Variants in E2F5 observed in about 807,000 individuals in gnomAD.
The protein encoded by E2F5 is transcription factor E2F5.
E2F5 carries 23 observed loss-of-function variants against 39.1 expected under a neutral mutation model. That is an observed-to-expected ratio of 0.59 (90% confidence interval 0.42 to 0.83). The LOEUF is 0.83. Ranked by LOEUF, E2F5 falls within the 40% of genes least tolerant of loss-of-function variation. E2F5 has a pLI of 0.00. For synonymous variants in E2F5, 145 were observed against 157.8 expected, an observed-to-expected ratio of 0.92 and a Z score of 0.61; for missense variants, 365 against 406.7, an observed-to-expected ratio of 0.90 and a Z score of 0.88.
intron 3 of E2F5, 129 bp downstream of exon 3, chr8:85,203,384 T>C: frequency 1.6e-6 from 1 of 633,536 alleles, no homozygotes; most frequent in Non-Finnish European, 2.3e-6. Flanking sequence ...GACATTTTAA[T>C]TTTATTATAT....
chr8:85,197,955 T>C (rs1349217342), intron 1 of E2F5, among the ~76,000 whole-genome samples: 1 of 152,202 alleles, frequency 6.6e-6, no homozygotes, highest in African/African-American at 2.4e-5. Context: ...GTTCCTTCCA[T>C]GCTACCTATT....
chr8:85,189,550 G>A (rs1297301017), intron 1 of E2F5, among the ~76,000 whole-genome samples: 2 of 151,954 alleles, frequency 1.3e-5, no homozygotes, highest in African/African-American at 2.4e-5. Flanking sequence ...TTGTGTATTG[G>A]TAAAGATGGG....
chr8:85,192,557 G>T (rs1034974096), intron 1 of E2F5, among the ~76,000 whole-genome samples: 3 of 152,150 alleles, frequency 2.0e-5, no homozygotes, highest in African/African-American at 7.2e-5. Flanking sequence ...AGAACGATGA[G>T]GGAGTAGCCA....
intron 6 of E2F5, among the ~76,000 whole-genome samples, chr8:85,210,941 G>T (rs1223573628): frequency 2.0e-5 from 3 of 152,190 alleles, no homozygotes; most frequent in African/African-American, 7.2e-5. Context: ...AACCAGTGAA[G>T]ATCTGTGACC....
chr8:85,196,583 C>T (rs1812585815), intron 1 of E2F5, among the ~76,000 whole-genome samples: 2 of 152,096 alleles, frequency 1.3e-5, no homozygotes, highest in African/African-American at 4.8e-5. Flanking sequence ...GGCTGTGTAC[C>T]AAATTTATTT....
intron 1 of E2F5, among the ~76,000 whole-genome samples, chr8:85,181,999 T>C (rs1001394141): frequency 2.0e-5 from 3 of 151,990 alleles, no homozygotes; most frequent in Non-Finnish European, 4.4e-5. Flanking sequence ...AAAATCAATT[T>C]TAATAAAGCT....
chr8:85,200,852 C>T (rs1472800066), intron 1 of E2F5, among the ~76,000 whole-genome samples: 1 of 152,180 alleles, frequency 6.6e-6, no homozygotes, highest in East Asian at 1.9e-4. Flanking sequence ...TGTTAATTTT[C>T]TGGTTCTCTA....
chr8:85,189,569 A>C (rs2129660345), intron 1 of E2F5, among the ~76,000 whole-genome samples: 1 of 152,148 alleles, frequency 6.6e-6, no homozygotes, highest in African/African-American at 2.4e-5. Flanking sequence ...GGGTTTCATC[A>C]TGTTGGCTAG....
intron 1 of E2F5, among the ~76,000 whole-genome samples, chr8:85,186,764 G>A (rs1333120514): frequency 6.8e-6 from 1 of 146,706 alleles, no homozygotes; most frequent in Non-Finnish European, 1.5e-5. Flanking sequence ...TATATAAGGT[G>A]TATATATACG....
rs551617708 is a variant in E2F5 at position 85,202,089 on chromosome 8, T to G, written c.235-58T>G. 2.9e-5 allele frequency: 41 copies of G among 1,401,134 alleles called. No individual in the cohort carries two copies. The South Asian group carries it at 5.1e-4, about 17-fold the overall frequency. The allele number at this position is 1,401,134 out of a possible 1,614,324, so 86.8% of individuals were successfully genotyped here. A position where few individuals can be genotyped will look rare whatever the true frequency, so the allele number is the denominator to read the frequency against. The stretch of plus-strand genomic sequence containing the variant: ...TGTGGATTTAATAATCAACCCTTTT[T>G]GGCTTTAAAATATGACTTGCCCTTT... On this transcript the variant is annotated intron_variant, in intron 1 of 7. Transcript: ENST00000416274.
rs1210290976 is a variant in E2F5, at chr8:85,213,819, A to T, written c.998A>T (p.Glu333Val). ...DDYNFNLDDN[E>V]GVCDLFDVQI... ...TACAACTTTAATTTAGATGATAACGAAGGAGTTTGTGATCTGTTTGATGTC... is the reference window on the plus strand; with the variant it reads ...TACAACTTTAATTTAGATGATAACGTAGGAGTTTGTGATCTGTTTGATGTC... The change falls in exon 8 of 8, where the codon GAA becomes GTA. Residue 333 changes from glutamate to valine, a missense_variant. Glu to Val is a moderately radical substitution (Grantham distance 121). Coordinates refer to ENST00000416274, the MANE Select transcript of E2F5 (RefSeq NM_001951.4). The T allele has an allele frequency of 6.2e-7, 1 of 1,613,336 alleles. No homozygotes were observed.
At chr8:85,180,278 C>G (rs1204412370) in intron 1 of E2F5, among the ~76,000 whole-genome samples, 1 of 151,808 alleles carries the variant, frequency 6.6e-6, no homozygotes, top group East Asian at 2.0e-4. Context: ...GCCTCAGCCT[C>G]CCAGAGTGCT....
chr8:85,184,848 C>G (rs1812294521), intron 1 of E2F5, among the ~76,000 whole-genome samples: 1 of 152,090 alleles, frequency 6.6e-6, no homozygotes, highest in Non-Finnish European at 1.5e-5. Flanking sequence ...AACCACTGCT[C>G]AAGGAAATAA....
chr8:85,205,447 ACTT>A (rs1812782992), intron 3 of E2F5, among the ~76,000 whole-genome samples: 1 of 151,770 alleles, frequency 6.6e-6, no homozygotes, highest in Non-Finnish European at 1.5e-5. Context: ...TCTAGACTAG[ACTT>A]CTTTTTTTAT....
chr8:85,186,621 GTA>G (rs902291353), intron 1 of E2F5, among the ~76,000 whole-genome samples: 3 of 146,096 alleles, frequency 2.1e-5, no homozygotes, highest in Non-Finnish European at 4.5e-5. Context: ...TATATATAAG[GTA>G]TATATATGGT....
At chr8:85,205,891 C>T (rs890788354) in intron 3 of E2F5, among the ~76,000 whole-genome samples, 1 of 152,114 alleles carries the variant, frequency 6.6e-6, no homozygotes, top group African/African-American at 2.4e-5. Context: ...CCATCCATTC[C>T]CTTCCCCCAG....
chr8:85,202,121 C>A, intron 1 of E2F5, 26 bp from the exon 2 acceptor site: 1 of 1,578,924 alleles, frequency 6.3e-7, no homozygotes, highest in Admixed American at 1.7e-5. Context: ...CTTTATTTCA[C>A]TGTTCTCGTT....
intron 6 of E2F5, 38 bp from the exon 7 acceptor site, chr8:85,212,119 T>C (rs1279057348): frequency 1.3e-6 from 2 of 1,525,592 alleles, no homozygotes; most frequent in Admixed American, 1.7e-5. Flanking sequence ...TCTTTTACTG[T>C]TAACAGAAAT....
At chr8:85,196,117 T>C (rs1587490632) in intron 1 of E2F5, among the ~76,000 whole-genome samples, 1 of 152,310 alleles carries the variant, frequency 6.6e-6, no homozygotes, top group East Asian at 1.9e-4. Flanking sequence ...AGAGATTTCC[T>C]TGTGGTAGAG....
Sources: allele counts gnomAD v4.1 joint callset (sites outside exome capture counted in the v4.1 genomes callset), GRCh38; gene constraint gnomAD v4.1.1; transcripts MANE v1.5; gene names NCBI Gene and HGNC (gene_info 2026-07-23, HGNC 2026-07-21).